Variants in DLGAP1 observed in about 807,000 individuals in gnomAD.
DLGAP1 encodes the protein DLG associated protein 1, also known as disks large-associated protein 1.
Under a neutral mutation model 90.8 loss-of-function variants are expected in DLGAP1, and 11 were observed. That is an observed-to-expected ratio of 0.12 (90% confidence interval 0.08 to 0.20). The LOEUF is 0.20. DLGAP1 is among the 10% of genes least tolerant of loss of function. The pLI is 1.00. For missense variants in DLGAP1, 1,050 were observed against 1,333.8 expected (o/e 0.79, Z 3.31); for synonymous variants, 558 against 540.7 (o/e 1.03, Z -0.44).
chr18:4,257,785 T>C (rs915821637), intron 1 of DLGAP1, among the ~76,000 whole-genome samples: 1 of 152,010 alleles, frequency 6.6e-6, no homozygotes, highest in Admixed American at 6.6e-5. Flanking sequence ...CCACTATGCC[T>C]GGCTAATTTC....
At chr18:3,867,474 G>A (rs2070471361) in intron 4 of DLGAP1, among the ~76,000 whole-genome samples, 1 of 152,144 alleles carries the variant, frequency 6.6e-6, no homozygotes, top group African/African-American at 2.4e-5. Flanking sequence ...TTCACGGGGT[G>A]GGGAAGGAAG....
At chr18:4,042,507 G>A (rs1340208939) in intron 2 of DLGAP1, among the ~76,000 whole-genome samples, 1 of 152,166 alleles carries the variant, frequency 6.6e-6, no homozygotes, top group African/African-American at 2.4e-5. Context: ...GGAGGCCAAG[G>A]TCTGCCGATC....
chr18:3,510,787 T>C (rs3786455), intron 10 of DLGAP1, among the ~76,000 whole-genome samples: 87,905 of 152,046 alleles, frequency 0.58, 25,594 homozygotes, highest in Admixed American at 0.65. Flanking sequence ...TTCTCAATTA[T>C]GTCTGATGCC....
chr18:3,831,238 A>T (rs971260058), intron 4 of DLGAP1, among the ~76,000 whole-genome samples: 3 of 152,184 alleles, frequency 2.0e-5, no homozygotes, highest in African/African-American at 7.2e-5. Context: ...AGGCCCAGAG[A>T]GACCCATCAC....
intron 1 of DLGAP1, among the ~76,000 whole-genome samples, chr18:4,278,105 T>C (rs541653375): frequency 2.6e-5 from 4 of 152,132 alleles, no homozygotes; most frequent in Non-Finnish European, 5.9e-5. Flanking sequence ...TTGGTAACAA[T>C]ACTTTTGTTA....
chr18:3,887,117 T>C (rs759661779), intron 3 of DLGAP1, among the ~76,000 whole-genome samples: 1 of 152,196 alleles, frequency 6.6e-6, no homozygotes, highest in Non-Finnish European at 1.5e-5. Flanking sequence ...GCTGGCCCCA[T>C]AGGAAGCCAG....
intron 2 of DLGAP1, among the ~76,000 whole-genome samples, chr18:4,069,401 TGTC>T (rs2075414569): frequency 6.6e-6 from 1 of 152,162 alleles, no homozygotes; most frequent in African/African-American, 2.4e-5. Flanking sequence ...GGTTTGGATG[TGTC>T]GTCACAAAAT....
chr18:4,432,341 A>C lies in DLGAP1; in HGVS notation c.-267+22665T>G, dbSNP rs147237831. ...CGTTTTACTATTAAACATAGGTTTT[A>C]TAAATGCATCATCCAGTTATTTTAT... On this transcript the variant is annotated intron_variant, in intron 1 of 12. Transcript: ENST00000315677. Among the ~76,000 whole-genome samples, 1,283 of 152,296 alleles carry C rather than the reference A, an allele frequency of 8.4e-3. 17 individuals are homozygous for C. Among genetic ancestry groups the C allele is most frequent in the African/African-American group, 0.03 (1,235 of 41,552 alleles).
chr18:4,298,230 C>G (rs942340355), intron 1 of DLGAP1, among the ~76,000 whole-genome samples: 1 of 152,104 alleles, frequency 6.6e-6, no homozygotes, highest in Admixed American at 6.6e-5. Context: ...TTGCATCCCC[C>G]GCGAATACTG....
At position 3,729,523 on chromosome 18, in the gene DLGAP1, G is replaced by T; in HGVS notation, c.1351-148C>A. 1.8e-6 allele frequency: 2 copies of T among 1,134,932 alleles called. No homozygotes were observed. Among genetic ancestry groups the T allele is most frequent in the African/African-American group, 1.6e-5 (1 of 63,748 alleles). The allele number at this position is 1,134,932 out of a possible 1,614,324, so 70.3% of individuals were successfully genotyped here. Reference sequence around the variant, plus strand: ...GCATTTTATTTCCTTTCTGTTACAGGCTATAATTGAATGGCATCCGCTTAT... The same window carrying T: ...GCATTTTATTTCCTTTCTGTTACAGTCTATAATTGAATGGCATCCGCTTAT... On this transcript the variant is annotated intron_variant, in intron 6 of 12. Coordinates refer to ENST00000315677, the MANE Select transcript of DLGAP1 (RefSeq NM_004746.4). The surrounding 1 kb of genome is among the most constrained non-coding windows in gnomAD (Gnocchi z 6.2).
At chr18:3,785,218 C>T (rs112651917) in intron 5 of DLGAP1, among the ~76,000 whole-genome samples, 2 of 152,290 alleles carry the variant, frequency 1.3e-5, no homozygotes, top group Non-Finnish European at 2.9e-5. Context: ...GAGTTATTAT[C>T]TTACAGTTCT....
At chr18:4,344,320 A>G (rs2081262731) in intron 1 of DLGAP1, among the ~76,000 whole-genome samples, 1 of 152,192 alleles carries the variant, frequency 6.6e-6, no homozygotes, top group Non-Finnish European at 1.5e-5. Context: ...AAGTTAGGTA[A>G]TTTGACCAAT....
In DLGAP1 at chr18:4,385,786, T is replaced by C. The variant is rs2082218072; in HGVS notation, c.-267+69220A>G. On this transcript the variant is annotated intron_variant, in intron 1 of 12. Coordinates refer to ENST00000315677, the MANE Select transcript of DLGAP1 (RefSeq NM_004746.4). ...TTTTTTTACATGTTACTTTCATTGC[T>C]TTAGTTACGAATAATTTCATAGTAG... Among the ~76,000 whole-genome samples the C allele has an allele frequency of 2.0e-5, 3 of 152,174 alleles. No individual in the cohort carries two copies. The South Asian group carries it at 6.2e-4, about 32-fold the overall frequency.
chr18:3,631,859 T>C (rs2058537822), intron 7 of DLGAP1, among the ~76,000 whole-genome samples: 1 of 152,184 alleles, frequency 6.6e-6, no homozygotes. Context: ...TCATAGTTCA[T>C]TGCAACCTCG....
intron 1 of DLGAP1, among the ~76,000 whole-genome samples, chr18:4,226,683 CAA>C (rs34227245): frequency 0.046 from 5,735 of 125,584 alleles, 159 homozygotes; most frequent in African/African-American, 0.087. Flanking sequence ...ATGGTAAACT[CAA>C]AAAAAAAAAA....
chr18:4,030,358 A>G (rs2074775904), intron 2 of DLGAP1, among the ~76,000 whole-genome samples: 1 of 152,240 alleles, frequency 6.6e-6, no homozygotes, highest in Non-Finnish European at 1.5e-5. Flanking sequence ...TATATGGCAG[A>G]TGCACCTGGC....
At chr18:3,688,142 C>T (rs2060765640) in intron 7 of DLGAP1, among the ~76,000 whole-genome samples, 1 of 152,084 alleles carries the variant, frequency 6.6e-6, no homozygotes, top group Non-Finnish European at 1.5e-5. Flanking sequence ...AATTTCTGAC[C>T]TCAGGGGATC....
At chr18:3,566,814 G>A (rs2054450568) in intron 9 of DLGAP1, among the ~76,000 whole-genome samples, 1 of 151,866 alleles carries the variant, frequency 6.6e-6, no homozygotes, top group Non-Finnish European at 1.5e-5. Context: ...GAAGCTGGGG[G>A]TACTACTAGC....
At chr18:3,745,875 G>T (rs1429790421) in intron 5 of DLGAP1, among the ~76,000 whole-genome samples, 1 of 152,000 alleles carries the variant, frequency 6.6e-6, no homozygotes, top group African/African-American at 2.4e-5. Context: ...TTTTTGTAGA[G>T]AAGGGGTTAC....
Sources: allele counts gnomAD v4.1 joint callset (sites outside exome capture counted in the v4.1 genomes callset), GRCh38; gene constraint gnomAD v4.1.1; non-coding constraint Gnocchi (gnomAD v3.1); transcripts MANE v1.5; gene names NCBI Gene and HGNC (gene_info 2026-07-23, HGNC 2026-07-21).